Variants in RRM2B observed in about 807,000 individuals in gnomAD.
RRM2B encodes the protein ribonucleoside-diphosphate reductase subunit M2 B.
A neutral mutation model predicts 45.9 loss-of-function variants in RRM2B; 20 were observed. The observed-to-expected ratio is 0.44, with a 90% confidence interval of 0.31 to 0.63. RRM2B has a LOEUF of 0.63. RRM2B is among the 30% of genes least tolerant of loss of function. The pLI is 0.09. For missense variants in RRM2B, 320 were observed against 414.7 expected, an observed-to-expected ratio of 0.77 and a Z score of 1.98; for synonymous variants, 124 against 132.3, an observed-to-expected ratio of 0.94 and a Z score of 0.43.
At chr8:102,208,433 T>TAC in intron 8 of RRM2B, 148 bp from the exon 9 acceptor site, 1 of 660,708 alleles carries the variant, frequency 1.5e-6, no homozygotes, top group Non-Finnish European at 2.6e-6. Context: ...ACCCTGGAGG[T>TAC]ACTCAAGGCT....
chr8:102,222,724 T>G (rs987959687), intron 5 of RRM2B, among the ~76,000 whole-genome samples: 3 of 152,220 alleles, frequency 2.0e-5, no homozygotes, highest in Non-Finnish European at 2.9e-5. Flanking sequence ...ACATATACAC[T>G]GCAACAAATC....
intron 5 of RRM2B, 59 bp downstream of exon 5, chr8:102,223,987 T>C: frequency 1.7e-6 from 2 of 1,205,950 alleles, no homozygotes; most frequent in South Asian, 1.2e-5. Context: ...TCACACCACA[T>C]AAAATACTGT....
intron 2 of RRM2B, among the ~76,000 whole-genome samples, chr8:102,230,427 G>A (rs549896413): frequency 3.3e-5 from 5 of 152,230 alleles, no homozygotes; most frequent in South Asian, 2.1e-4. Context: ...TGAATTTCAA[G>A]AATCCTAAGA....
In RRM2B at chr8:102,238,877, C is replaced by A. The variant is rs1188802514; in HGVS notation, c.-3G>T. On this transcript the variant is annotated 5_prime_UTR_variant, in exon 1 of 9. Coordinates refer to ENST00000251810, the MANE Select transcript of RRM2B (RefSeq NM_015713.5). Reference sequence around the variant, plus strand: ...TCCGGCCTTTCCGGGTCGCCCATCGCGCAGACTCCGCCGAAGCTACGGGCG... The same window carrying A: ...TCCGGCCTTTCCGGGTCGCCCATCGAGCAGACTCCGCCGAAGCTACGGGCG... 1.9e-6 allele frequency: 3 copies of A among 1,611,332 alleles called. No individual in the cohort carries two copies. Among genetic ancestry groups the A allele is most frequent in the Non-Finnish European group, 8.5e-7 (1 of 1,179,880 alleles).
rs757562377 is a variant in RRM2B, at chr8:102,212,842, G to A, written c.837C>T (p.Cys279=). The A allele has an allele frequency of 6.2e-7, 1 of 1,611,834 alleles. No homozygotes were observed. Among genetic ancestry groups the A allele is most frequent in the Admixed American group, 1.7e-5 (1 of 59,980 alleles). Residue 279 remains cysteine, a synonymous_variant, in exon 8 of 9, where the codon TGC becomes TGT. Coordinates refer to ENST00000251810, the MANE Select transcript of RRM2B (RefSeq NM_015713.5). ...ALPVGLIGMN[C]ILMKQYIEFV... is the part of the protein sequence containing the mutation. ...ACTCAATGTACTGTTTCATCAAAAT[G>A]CAATTCATTCCAATGAGGCCAACTG... is the stretch of plus-strand genomic sequence containing the variant.
chr8:102,218,494 G>A (rs1363633442), intron 6 of RRM2B, among the ~76,000 whole-genome samples: 1 of 152,126 alleles, frequency 6.6e-6, no homozygotes, highest in Non-Finnish European at 1.5e-5. Context: ...GAGGCAGGCA[G>A]ATCGCTTGAG....
At chr8:102,228,239 T>C (rs1403569942) in intron 2 of RRM2B, among the ~76,000 whole-genome samples, 1 of 152,156 alleles carries the variant, frequency 6.6e-6, no homozygotes, top group Non-Finnish European at 1.5e-5. Flanking sequence ...GAGGGACAGC[T>C]TGACAGCATT....
chr8:102,224,716 AT>A (rs1810898717), intron 4 of RRM2B, among the ~76,000 whole-genome samples, 168 bp downstream of exon 4: 1 of 152,252 alleles, frequency 6.6e-6, no homozygotes. Flanking sequence ...AACTGGTTCT[AT>A]AACAAGTTTT....
intron 5 of RRM2B, among the ~76,000 whole-genome samples, chr8:102,220,107 T>C (rs1002289693): frequency 6.6e-6 from 1 of 152,108 alleles, no homozygotes; most frequent in African/African-American, 2.4e-5. Flanking sequence ...GGTGTGGTGG[T>C]GCGCACCTGT....
chr8:102,209,695 C>T (rs575220973), intron 8 of RRM2B, among the ~76,000 whole-genome samples: 91 of 152,278 alleles, frequency 6.0e-4, no homozygotes, highest in Admixed American at 2.0e-3. Flanking sequence ...TTCATAGTAG[C>T]ATTATTCACA....
Position 102,222,158 on chromosome 8 carries a change from C to T in RRM2B, c.550+1888G>A, listed in dbSNP as rs1810848334. Among the ~76,000 whole-genome samples the T allele has an allele frequency of 1.3e-5, 2 of 151,874 alleles. 1 individual carries two copies. ...ACAGTGGATCATAGCTCACTGTAGC[C>T]TCAAACACCTGGGCTTAAGTGGTCC... On this transcript the variant is annotated intron_variant, in intron 5 of 8. Transcript: ENST00000251810.
rs928147420 is a variant in RRM2B, at chr8:102,208,074, G to A, written c.*59C>T. 7 of 1,480,864 alleles carry A rather than the reference G, an allele frequency of 4.7e-6. No individual in the cohort carries two copies. The highest frequency in any genetic ancestry group is 6.5e-6 in the Non-Finnish European group (7 of 1,069,902). The allele number at this position is 1,480,864 out of a possible 1,614,324, so 91.7% of individuals were successfully genotyped here. On this transcript the variant is annotated 3_prime_UTR_variant, in exon 9 of 9. Coordinates refer to ENST00000251810, the MANE Select transcript of RRM2B (RefSeq NM_015713.5). ...ATACTTAAAATTTTTTTTAAGCAGA[G>A]GAAAATAGACTACTATTTACCAATG...
At chr8:102,209,104 C>T (rs1168139772) in intron 8 of RRM2B, among the ~76,000 whole-genome samples, 1 of 151,980 alleles carries the variant, frequency 6.6e-6, no homozygotes, top group Non-Finnish European at 1.5e-5. Context: ...GAGCCAAGAT[C>T]ATGCCATTGC....
At chr8:102,215,382 C>A (rs1024717493) in intron 6 of RRM2B, among the ~76,000 whole-genome samples, 1 of 151,456 alleles carries the variant, frequency 6.6e-6, no homozygotes, top group South Asian at 2.1e-4. Context: ...TGCACTCCAG[C>A]CTGGGTGACA....
Position 102,206,769 on chromosome 8 carries a change from G to A in RRM2B, c.*1364C>T, listed in dbSNP as rs892146071. On this transcript the variant is annotated 3_prime_UTR_variant, in exon 9 of 9. Transcript: ENST00000251810. ...TTGATACTTACTAAAAATAAATAGG[G>A]GCAGACTTCTCAAAAACCTTGGTTC... 20 of 152,080 alleles carry A rather than the reference G, an allele frequency of 1.3e-4. No individual in the cohort carries two copies. The highest frequency in any genetic ancestry group is 4.6e-4 in the African/African-American group (19 of 41,472). The allele number at this position is 152,080 out of a possible 1,614,324, so 9.4% of individuals were successfully genotyped here. A position where few individuals can be genotyped will look rare whatever the true frequency, so the allele number is the denominator to read the frequency against.
intron 1 of RRM2B, among the ~76,000 whole-genome samples, chr8:102,237,736 G>C (rs553734411): frequency 3.8e-4 from 58 of 152,318 alleles, no homozygotes; most frequent in African/African-American, 1.3e-3. Context: ...TTTCCCCTTT[G>C]AGTAGGGAAG....
rs1810921439 is a variant in RRM2B, at chr8:102,225,768, G to A, written c.321+150C>T. On this transcript the variant is annotated intron_variant, in intron 3 of 8. Transcript: ENST00000251810. ...TAATAGTTTGCTGGTCAAAGGATAAGCAATTCATCAGAAAAACATTTAAAG... is the reference window on the plus strand; with the variant it reads ...TAATAGTTTGCTGGTCAAAGGATAAACAATTCATCAGAAAAACATTTAAAG... 7.6e-6 allele frequency: 5 copies of A among 661,560 alleles called. No individual in the cohort carries two copies. The East Asian group carries it at 1.4e-4, about 18-fold the overall frequency. 41.0% of individuals were successfully genotyped at this position (661,560 alleles called of 1,614,324 possible).
intron 1 of RRM2B, among the ~76,000 whole-genome samples, chr8:102,236,916 C>T (rs1022229308): frequency 6.6e-6 from 1 of 152,202 alleles, no homozygotes; most frequent in African/African-American, 2.4e-5. Flanking sequence ...CCAATCTAGG[C>T]TGGCATCATA....
Position 102,208,413 on chromosome 8 carries a change from T to C in RRM2B, c.904-128A>G, listed in dbSNP as rs990484952. ...TCTAGTCAGCTACAAGATCATATCA[T>C]TCCCCTAAGACCCTGGAGGTACTCA... On this transcript the variant is annotated intron_variant, in intron 8 of 8. Coordinates refer to ENST00000251810, the MANE Select transcript of RRM2B (RefSeq NM_015713.5). 4.1e-6 allele frequency: 3 copies of C among 727,732 alleles called. No individual in the cohort carries two copies. The African/African-American group carries it at 5.3e-5, about 13-fold the overall frequency. The allele number at this position is 727,732 out of a possible 1,614,324, so 45.1% of individuals were successfully genotyped here.
Sources: gnomAD v4.1 joint callset for allele counts (sites outside exome capture counted in the v4.1 genomes callset) on GRCh38, gnomAD v4.1.1 for gene constraint, MANE v1.5 for transcripts, NCBI Gene and HGNC (gene_info 2026-07-23, HGNC 2026-07-21) for gene names.